Variants in LHFPL6 observed in about 807,000 individuals in gnomAD.
LHFPL6 encodes the protein LHFPL tetraspan subfamily member 6 protein.
A neutral mutation model predicts 20.6 loss-of-function variants in LHFPL6; 9 were observed. The ratio of observed to expected loss-of-function variants is 0.44; its 90% CI spans 0.26 to 0.76. LHFPL6 has a LOEUF of 0.76. Among genes scored for constraint, LHFPL6 ranks in the 30% least tolerant of loss-of-function variants. The pLI, the probability that LHFPL6 is intolerant of heterozygous loss-of-function variation, is 0.20. For synonymous variants in LHFPL6, 105 were observed against 98.7 expected (o/e 1.06, Z -0.38); for missense variants, 218 against 253.5 (o/e 0.86, Z 0.95).
intron 2 of LHFPL6, among the ~76,000 whole-genome samples, chr13:39,453,716 C>G (rs1011343001): frequency 6.6e-6 from 1 of 152,172 alleles, no homozygotes; most frequent in Non-Finnish European, 1.5e-5. Context: ...CTTGCCTTCC[C>G]TGGGCAGGTA....
chr13:39,509,411 T>C (rs1869607018), intron 2 of LHFPL6, among the ~76,000 whole-genome samples: 1 of 152,156 alleles, frequency 6.6e-6, no homozygotes, highest in Non-Finnish European at 1.5e-5. Flanking sequence ...AGAAGTTTTA[T>C]AGTTGGGGTT....
chr13:39,386,903 C>A (rs1348102577), intron 2 of LHFPL6, among the ~76,000 whole-genome samples: 3 of 152,224 alleles, frequency 2.0e-5, no homozygotes, highest in Non-Finnish European at 4.4e-5. Flanking sequence ...GACTGAGACA[C>A]TCACTGCTTA....
intron 2 of LHFPL6, among the ~76,000 whole-genome samples, chr13:39,529,942 A>C (rs1454540862): frequency 6.6e-6 from 1 of 152,264 alleles, no homozygotes; most frequent in East Asian, 1.9e-4. Context: ...TTTATGAAAG[A>C]GAAAATTTTA....
At chr13:39,582,682 CAGACGAT>C (rs1872325040) in intron 2 of LHFPL6, among the ~76,000 whole-genome samples, 2 of 152,126 alleles carry the variant, frequency 1.3e-5, no homozygotes, top group Non-Finnish European at 2.9e-5. Flanking sequence ...CTAAGACAGA[CAGACGAT>C]GACCTTGTTC....
intron 2 of LHFPL6, among the ~76,000 whole-genome samples, chr13:39,379,308 A>G (rs952964405): frequency 3.3e-5 from 5 of 152,230 alleles, no homozygotes; most frequent in Non-Finnish European, 5.9e-5. Context: ...ACGAGATTTA[A>G]GCACTCACTA....
At chr13:39,515,655 C>G (rs1044199379) in intron 2 of LHFPL6, among the ~76,000 whole-genome samples, 18 of 152,184 alleles carry the variant, frequency 1.2e-4, no homozygotes, top group Admixed American at 1.0e-3. Context: ...AAGCAGCTCC[C>G]AGCTATCTGT....
At chr13:39,401,007 C>T (rs866275248) in intron 2 of LHFPL6, among the ~76,000 whole-genome samples, 8 of 152,090 alleles carry the variant, frequency 5.3e-5, no homozygotes, top group Middle Eastern at 3.4e-3. Context: ...ATAGAGCAAG[C>T]CATCCTATAA....
intron 2 of LHFPL6, among the ~76,000 whole-genome samples, chr13:39,531,164 A>G (rs1261170842): frequency 2.0e-5 from 3 of 152,218 alleles, no homozygotes; most frequent in African/African-American, 7.2e-5. Flanking sequence ...TCCTATGACA[A>G]AAGTTTTTTG....
At chr13:39,451,296 C>T (rs1872439172) in intron 2 of LHFPL6, among the ~76,000 whole-genome samples, 1 of 152,130 alleles carries the variant, frequency 6.6e-6, no homozygotes, top group South Asian at 2.1e-4. Flanking sequence ...TTGTTTTATT[C>T]TGCAGCAACT....
intron 2 of LHFPL6, among the ~76,000 whole-genome samples, chr13:39,480,986 CTT>C (rs1395217126): frequency 1.3e-5 from 2 of 152,072 alleles, no homozygotes; most frequent in African/African-American, 4.8e-5. Flanking sequence ...AGCATGCAAA[CTT>C]AATGTGTTAT....
At chr13:39,362,666 G>A (rs1035619820) in intron 3 of LHFPL6, among the ~76,000 whole-genome samples, 3 of 152,142 alleles carry the variant, frequency 2.0e-5, no homozygotes, top group African/African-American at 4.8e-5. Context: ...CTTACACTCT[G>A]TGTGGCTCTG....
chr13:39,375,562 G>C (rs184706438), intron 3 of LHFPL6, among the ~76,000 whole-genome samples: 2 of 152,058 alleles, frequency 1.3e-5, no homozygotes, highest in African/African-American at 4.8e-5. Flanking sequence ...CTGGTGGCGG[G>C]TGCCTGTAAT....
At chr13:39,447,889 G>A (rs1339409391) in intron 2 of LHFPL6, among the ~76,000 whole-genome samples, 1 of 152,162 alleles carries the variant, frequency 6.6e-6, no homozygotes, top group Non-Finnish European at 1.5e-5. Flanking sequence ...AAAAAGGAGG[G>A]AATTCATCTG....
At chr13:39,515,035 G>A (rs901673449) in intron 2 of LHFPL6, among the ~76,000 whole-genome samples, 9 of 152,176 alleles carry the variant, frequency 5.9e-5, no homozygotes, top group African/African-American at 1.7e-4. Flanking sequence ...AGGACCATCC[G>A]AGCCACTGCT....
Position 39,494,308 on chromosome 13 carries a change from G to A in LHFPL6, c.385+106524C>T, listed in dbSNP as rs548343516. 3.9e-5 allele frequency among the ~76,000 whole-genome samples: 6 copies of A among 152,332 alleles called. No individual in the cohort carries two copies. The South Asian group carries it at 8.3e-4, about 21-fold the overall frequency. On this transcript the variant is annotated intron_variant, in intron 2 of 3. Coordinates refer to ENST00000379589, the MANE Select transcript of LHFPL6 (RefSeq NM_005780.3). ...AGGAAGGCACTGTGCTAAGCAGTTCGTGGCATTTTTTACCATTCATTTCCC... is the reference window on the plus strand; with the variant it reads ...AGGAAGGCACTGTGCTAAGCAGTTCATGGCATTTTTTACCATTCATTTCCC...
At chr13:39,555,124 C>T (rs1033881953) in intron 2 of LHFPL6, among the ~76,000 whole-genome samples, 3 of 152,148 alleles carry the variant, frequency 2.0e-5, no homozygotes, top group Non-Finnish European at 4.4e-5. Context: ...AACAATATTA[C>T]AATACAGCAT....
intron 3 of LHFPL6, among the ~76,000 whole-genome samples, chr13:39,375,606 G>A (rs897579826): frequency 6.6e-5 from 10 of 151,268 alleles, no homozygotes; most frequent in East Asian, 1.9e-4. Context: ...CACGAGAATC[G>A]CTTAACCTGG....
chr13:39,427,578 G>T (rs7992618), intron 2 of LHFPL6, among the ~76,000 whole-genome samples: 4,295 of 152,170 alleles, frequency 0.028, 176 homozygotes, highest in African/African-American at 0.091. Flanking sequence ...CATTTAAATT[G>T]ATTTTTTTTC....
At chr13:39,579,272 CACAAGTCT>C (rs1233467742) in intron 2 of LHFPL6, among the ~76,000 whole-genome samples, 3 of 152,154 alleles carry the variant, frequency 2.0e-5, no homozygotes, top group Admixed American at 6.5e-5. Context: ...CTCCACCCAC[CACAAGTCT>C]TCTGAGCCAT....
Sources: gnomAD v4.1 joint callset for allele counts (sites outside exome capture counted in the v4.1 genomes callset) on GRCh38, gnomAD v4.1.1 for gene constraint, MANE v1.5 for transcripts, NCBI Gene and HGNC (gene_info 2026-07-23, HGNC 2026-07-21) for gene names.